Variants in LRRK1 observed in about 807,000 individuals in gnomAD.
LRRK1 encodes leucine-rich repeat serine/threonine-protein kinase 1.
Under a neutral mutation model 209.1 loss-of-function variants are expected in LRRK1, and 113 were observed. The observed-to-expected ratio is 0.54, with a 90% CI of 0.46 to 0.63. The LOEUF (loss-of-function observed/expected upper bound fraction) is 0.63, where lower values mean the gene tolerates loss of function less well. Ranked by LOEUF, LRRK1 falls within the 30% of genes least tolerant of loss-of-function variation. LRRK1 has a pLI of 0.00. For synonymous variants in LRRK1, 1,144 were observed against 1,099.7 expected, an observed-to-expected ratio of 1.04 and a Z score of -0.80; for missense variants, 2,284 against 2,632.2, an observed-to-expected ratio of 0.87 and a Z score of 2.89.
chr15:101,044,596 C>T (rs922951489), intron 20 of LRRK1, among the ~76,000 whole-genome samples: 5 of 152,228 alleles, frequency 3.3e-5, no homozygotes, highest in Admixed American at 6.5e-5. Flanking sequence ...TTTGCCATGT[C>T]ACCTTCTAAA....
chr15:101,065,622 C>T lies in LRRK1; in HGVS notation c.5185C>T (p.Pro1729Ser). ...CCTGGAGATCTGCAGGCGGCTGGAG[C>T]CCTACATGGCCCCCTCCATGGTTAC... ...ASLEICRRLEPYMAPSMVTSV... is the reference protein window; with the variant it reads ...ASLEICRRLESYMAPSMVTSV... Residue 1729 changes from proline to serine, a missense_variant, in exon 32 of 34, where the codon CCC (proline) becomes TCC (serine). Pro to Ser is a moderately conservative substitution (Grantham distance 74). Around this residue, in one of 6 missense-constraint regions of LRRK1, gnomAD observed 643 missense variants for 695.9 expected, o/e 0.92. Transcript: ENST00000388948. 6.2e-7 allele frequency: 1 copy of T among 1,614,172 alleles called. No homozygotes were observed. The highest frequency in any genetic ancestry group is 8.5e-7 in the Non-Finnish European group (1 of 1,180,022).
chr15:100,961,539 G>A (rs187470133), intron 2 of LRRK1, among the ~76,000 whole-genome samples: 7 of 152,062 alleles, frequency 4.6e-5, no homozygotes, highest in African/African-American at 1.4e-4. Flanking sequence ...TGTAATCCCA[G>A]CTACTCGGGA....
At chr15:101,062,452 C>A in intron 30 of LRRK1, 122 bp from the exon 31 acceptor site, 1 of 704,512 alleles carries the variant, frequency 1.4e-6, no homozygotes. Context: ...CGTGTCAATC[C>A]ATGTAACTTT....
At chr15:100,945,994 C>G (rs2141616320) in intron 2 of LRRK1, among the ~76,000 whole-genome samples, 1 of 152,200 alleles carries the variant, frequency 6.6e-6, no homozygotes, top group East Asian at 1.9e-4. Flanking sequence ...GCTTTTTTCT[C>G]TTAATTATTA....
At position 101,076,672 on chromosome 15, in the gene LRRK1, T is replaced by C. The variant is rs113663072; in HGVS notation, c.*7824T>C. On this transcript the variant is annotated 3_prime_UTR_variant, in exon 34 of 34. Coordinates refer to ENST00000388948, the MANE Select transcript of LRRK1 (RefSeq NM_024652.6). ...AAGGAAATAACTTCTCAGTGTTCCATCTGCTATTCTACTGCTCCTCAGGGA... is the reference window on the plus strand; with the variant it reads ...AAGGAAATAACTTCTCAGTGTTCCACCTGCTATTCTACTGCTCCTCAGGGA... 6.6e-6 allele frequency: 1 copy of C among 152,246 alleles called. No homozygotes were observed. The highest frequency in any genetic ancestry group is 1.5e-5 in the Non-Finnish European group (1 of 68,116). 9.4% of individuals were successfully genotyped at this position (152,246 alleles called of 1,614,324 possible).
At chr15:101,052,565 TAG>T (rs1222265641) in intron 24 of LRRK1, among the ~76,000 whole-genome samples, 3 of 152,196 alleles carry the variant, frequency 2.0e-5, no homozygotes, top group Non-Finnish European at 4.4e-5. Flanking sequence ...AGATCATAAC[TAG>T]AGAGAGAATC....
rs143970278 is a variant in LRRK1, at chr15:100,954,445, A to G, written c.98-19359A>G. ...GGTTTGCAATATTTTCTCTCATTCC[A>G]TAGGTTGCCTTTTCATTTTGTTGAT... On this transcript the variant is annotated intron_variant, in intron 2 of 33. Transcript: ENST00000388948. 1.8e-3 allele frequency among the ~76,000 whole-genome samples: 268 copies of G among 152,158 alleles called. 1 individual carries two copies. Among genetic ancestry groups the G allele is most frequent in the African/African-American group, 2.5e-3 (103 of 41,506 alleles).
At chr15:100,965,406 TTA>T (rs1398485435) in intron 2 of LRRK1, among the ~76,000 whole-genome samples, 1 of 152,208 alleles carries the variant, frequency 6.6e-6, no homozygotes, top group African/African-American at 2.4e-5. Flanking sequence ...TTTAAATATT[TTA>T]TGTTTTTTCT....
chr15:101,021,622 C>T (rs1049652408), intron 13 of LRRK1: 6 of 541,572 alleles, frequency 1.1e-5, no homozygotes, highest in African/African-American at 9.6e-5. Context: ...GGAGGGGACT[C>T]AATTCTAAGC....
intron 29 of LRRK1, among the ~76,000 whole-genome samples, 188 bp downstream of exon 29, chr15:101,058,329 T>C (rs534745186): frequency 1.3e-5 from 2 of 152,072 alleles, no homozygotes; most frequent in South Asian, 4.2e-4. Context: ...GAGACGTGCA[T>C]GTATGGTTTT....
Position 101,066,739 on chromosome 15 carries a change from T to C in LRRK1, c.5868T>C (p.His1956=). 6.2e-7 allele frequency: 1 copy of C among 1,613,190 alleles called. No individual in the cohort carries two copies. Among genetic ancestry groups the C allele is most frequent in the Non-Finnish European group, 8.5e-7 (1 of 1,179,120 alleles). ...TAAAAGCCCGAGAGCTGACTCCGCA[T>C]GGGTAAGACTGAGTGGCAGCTCCTT... ...AVLKARELTP[H]GVLVDAAVVA... is the part of the protein sequence containing the mutation. The change falls in exon 33 of 34, where the codon CAT becomes CAC. Residue 1956 remains histidine, a splice_region_variant and synonymous_variant. Transcript: ENST00000388948.
In LRRK1 at chr15:101,021,909, A is replaced by G; in HGVS notation, c.1804A>G (p.Thr602Ala). Residue 602 changes from threonine to alanine, a missense_variant, in exon 14 of 34, where the codon ACT becomes GCT. Around this residue, in one of 6 missense-constraint regions of LRRK1, gnomAD observed 494 missense variants for 522.1 expected, o/e 0.95. Transcript: ENST00000388948. ...GQLGNLWQLD[T>A]EDLTISNVPA... ...GCTGGGCAACCTCTGGCAGCTGGAC[A>G]CTGAAGACCTGACCATCAGCAATGT... is the stretch of plus-strand genomic sequence containing the variant. The G allele has an allele frequency of 6.2e-7, 1 of 1,614,152 alleles. No individual in the cohort carries two copies. Among genetic ancestry groups the G allele is most frequent in the Non-Finnish European group, 8.5e-7 (1 of 1,180,018 alleles).
At chr15:100,972,573 A>G (rs918663674) in intron 2 of LRRK1, among the ~76,000 whole-genome samples, 42 of 152,108 alleles carry the variant, frequency 2.8e-4, no homozygotes, top group African/African-American at 9.9e-4. Flanking sequence ...AAGTCGTTTT[A>G]GTAGTTATTA....
At position 100,997,076 on chromosome 15, in the gene LRRK1, ATAATCATATCTATAGATCTT is replaced by A. The variant is rs538528958; in HGVS notation, c.762+7679_762+7698del. 7.4e-3 allele frequency among the ~76,000 whole-genome samples: 985 copies of A among 133,830 alleles called. 12 individuals carry two copies. The highest frequency in any genetic ancestry group is 0.026 in the African/African-American group (930 of 36,204). The allele number at this position is 133,830 out of a possible 152,430, so 87.8% of individuals were successfully genotyped here. A position where few individuals can be genotyped will look rare whatever the true frequency, so the allele number is the denominator to read the frequency against. On this transcript the variant is annotated intron_variant, in intron 6 of 33. Transcript: ENST00000388948. ...CATATCTATAGATATGATTATTAAT[ATAATCATATCTATAGATCTT>A]ATATCTATAGAGACATATATATATT...
intron 2 of LRRK1, among the ~76,000 whole-genome samples, chr15:100,930,569 TG>T (rs1235265134): frequency 6.6e-6 from 1 of 152,198 alleles, no homozygotes; most frequent in Non-Finnish European, 1.5e-5. Context: ...CTCCTTTATG[TG>T]GGGTGTGCAG....
chr15:101,074,657 C>T lies in LRRK1; in HGVS notation c.*5809C>T, dbSNP rs2036919027. On this transcript the variant is annotated 3_prime_UTR_variant, in exon 34 of 34. Coordinates refer to ENST00000388948, the MANE Select transcript of LRRK1 (RefSeq NM_024652.6). ...CCACAACAGGATTTAATTAACCTTGCCTTCAAGGTGTACAATAATAGAAAA... is the reference window on the plus strand; with the variant it reads ...CCACAACAGGATTTAATTAACCTTGTCTTCAAGGTGTACAATAATAGAAAA... The T allele has an allele frequency of 6.6e-6, 1 of 152,122 alleles. No homozygotes were observed. The highest frequency in any genetic ancestry group is 6.5e-5 in the Admixed American group (1 of 15,286). 9.4% of individuals were successfully genotyped at this position (152,122 alleles called of 1,614,324 possible).
In LRRK1 at chr15:100,931,046, G is replaced by A. The variant is rs574483359; in HGVS notation, c.97+6317G>A. Among the ~76,000 whole-genome samples, 5 of 152,342 alleles carry A rather than the reference G, an allele frequency of 3.3e-5. No homozygotes were observed. The South Asian group carries it at 1.0e-3, about 32-fold the overall frequency. ...TGTCCAGATTCCACTTAGCCATCTT[G>A]CTACTTATTGGGTGACATTTGTCAT... On this transcript the variant is annotated intron_variant, in intron 2 of 33. Transcript: ENST00000388948.
At position 101,023,636 on chromosome 15, in the gene LRRK1, A is replaced by T. The variant is rs191972780; in HGVS notation, c.2067+1039A>T. Among the ~76,000 whole-genome samples the T allele has an allele frequency of 3.9e-3, 598 of 152,314 alleles. 3 individuals are homozygous for T. Among genetic ancestry groups the T allele is most frequent in the Admixed American group, 7.3e-3 (111 of 15,302 alleles). On this transcript the variant is annotated intron_variant, in intron 15 of 33. Coordinates refer to ENST00000388948, the MANE Select transcript of LRRK1 (RefSeq NM_024652.6). ...AAAACTGAGGAGGCTTGAGATCCAG[A>T]TGGTCCATGATTTTCCCCCAAAGCT...
chr15:101,060,150 G>T (rs762111915), intron 29 of LRRK1, among the ~76,000 whole-genome samples: 1 of 152,130 alleles, frequency 6.6e-6, no homozygotes, highest in Non-Finnish European at 1.5e-5. Context: ...GGGAGCACAC[G>T]GGCAGCCAAG....
Sources: allele counts gnomAD v4.1 joint callset (sites outside exome capture counted in the v4.1 genomes callset), GRCh38; gene constraint gnomAD v4.1.1; regional missense constraint gnomAD v4.1.1; transcripts MANE v1.5; gene names NCBI Gene and HGNC (gene_info 2026-07-23, HGNC 2026-07-21).